The following FSTL4 variants were observed in gnomAD, a reference collection of about 807,000 sequenced individuals.
The protein encoded by FSTL4 is follistatin-related protein 4.
In FSTL4, 28 loss-of-function variants were observed where a neutral mutation model predicts 78.2. The observed-to-expected ratio is 0.36, with a 90% confidence interval of 0.27 to 0.49. The LOEUF (loss-of-function observed/expected upper bound fraction) is 0.49, where lower values mean the gene tolerates loss of function less well. FSTL4 is among the 20% of genes least tolerant of loss of function. The pLI is 0.98. For synonymous variants in FSTL4, 422 were observed against 440.5 expected, an observed-to-expected ratio of 0.96 and a Z score of 0.53; for missense variants, 922 against 1,084.9, an observed-to-expected ratio of 0.85 and a Z score of 2.11.
intron 4 of FSTL4, among the ~76,000 whole-genome samples, chr5:133,342,693 T>C (rs552903407): frequency 6.6e-6 from 1 of 152,200 alleles, no homozygotes; most frequent in Non-Finnish European, 1.5e-5. Context: ...TAAAAGCAAA[T>C]TAACATTGTA....
chr5:133,349,756 G>T (rs1209403478), intron 4 of FSTL4, among the ~76,000 whole-genome samples: 2 of 142,568 alleles, frequency 1.4e-5, no homozygotes, highest in African/African-American at 2.7e-5. Context: ...GGACCCAAAG[G>T]ATGGACTTTG....
chr5:133,606,274 C>A (rs1258018667), intron 1 of FSTL4, among the ~76,000 whole-genome samples: 1 of 152,154 alleles, frequency 6.6e-6, no homozygotes, highest in Non-Finnish European at 1.5e-5. Flanking sequence ...GCATGCGCCA[C>A]CATGCCCAGC....
At chr5:133,420,206 T>A (rs1580696912) in intron 3 of FSTL4, among the ~76,000 whole-genome samples, 1 of 152,296 alleles carries the variant, frequency 6.6e-6, no homozygotes, top group East Asian at 1.9e-4. Flanking sequence ...TAGCTAAAAC[T>A]AATCTACGAT....
chr5:133,771,306 G>A, the FSTL4 span, among the ~76,000 whole-genome samples: 1 of 151,934 alleles, frequency 6.6e-6, no homozygotes, highest in Non-Finnish European at 1.5e-5. Flanking sequence ...GGATTGCTTT[G>A]GGCAGTATGG....
Position 133,494,135 on chromosome 5 carries a change from C to T in FSTL4, c.160+73051G>A, listed in dbSNP as rs568138561. On this transcript the variant is annotated intron_variant, in intron 3 of 15. Coordinates refer to ENST00000265342, the MANE Select transcript of FSTL4 (RefSeq NM_015082.2). ...GAGGTAGGTATTATTATCCATTTTA[C>T]AGTTATGGATACTGAGGAACAGAGA... 5.3e-5 allele frequency among the ~76,000 whole-genome samples: 8 copies of T among 152,308 alleles called. No homozygotes were observed. The South Asian group carries it at 1.7e-3, about 32-fold the overall frequency.
chr5:133,369,086 C>T (rs1245681538), intron 4 of FSTL4, among the ~76,000 whole-genome samples: 4 of 152,166 alleles, frequency 2.6e-5, no homozygotes, highest in Non-Finnish European at 5.9e-5. Flanking sequence ...CCAAGGCTGG[C>T]TTGGTCTCCA....
chr5:133,561,083 G>A (rs552199979), intron 3 of FSTL4, among the ~76,000 whole-genome samples: 5 of 139,352 alleles, frequency 3.6e-5, no homozygotes, highest in East Asian at 4.1e-4. Flanking sequence ...AGTGACACTC[G>A]GACTCAAAAT....
At chr5:133,405,446 G>C (rs1455736659) in intron 3 of FSTL4, among the ~76,000 whole-genome samples, 1 of 152,216 alleles carries the variant, frequency 6.6e-6, no homozygotes, top group African/African-American at 2.4e-5. Flanking sequence ...CCCATGGGCA[G>C]ATACAGCCCT....
the FSTL4 span, among the ~76,000 whole-genome samples, chr5:133,678,036 C>T: frequency 4.6e-4 from 70 of 152,230 alleles, 1 homozygote; most frequent in East Asian, 0.01. Context: ...TGCATTATAC[C>T]TCACAGAATT....
At chr5:133,652,528 G>A in the FSTL4 span, among the ~76,000 whole-genome samples, 1 of 151,794 alleles carries the variant, frequency 6.6e-6, no homozygotes, top group Admixed American at 6.6e-5. Flanking sequence ...TTAGAAATGT[G>A]TTGCTTAATT....
intron 6 of FSTL4, among the ~76,000 whole-genome samples, chr5:133,275,043 CTTGAGGTTAGGAGT>C (rs1263344606): frequency 6.8e-6 from 1 of 146,508 alleles, no homozygotes; most frequent in Non-Finnish European, 1.5e-5. Flanking sequence ...GGGTGGATCA[CTTGAGGTTAGGAGT>C]TTGAGACCAG....
At chr5:133,606,842 T>C (rs1416352891) in intron 1 of FSTL4, among the ~76,000 whole-genome samples, 1 of 152,254 alleles carries the variant, frequency 6.6e-6, no homozygotes, top group Non-Finnish European at 1.5e-5. Context: ...TTATGTTTTA[T>C]GTTTTGGTAC....
rs1201182266 is a variant in FSTL4, at chr5:133,197,303, G to T, written c.*1792C>A. ...ATTGAGGCAGGAAAAAAAAAGGGGTGAGATGGGTCATCCATGCATCCCAGC... is the reference window on the plus strand; with the variant it reads ...ATTGAGGCAGGAAAAAAAAAGGGGTTAGATGGGTCATCCATGCATCCCAGC... On this transcript the variant is annotated 3_prime_UTR_variant, in exon 16 of 16. Coordinates refer to ENST00000265342, the MANE Select transcript of FSTL4 (RefSeq NM_015082.2). The T allele has an allele frequency of 6.6e-6, 1 of 152,174 alleles. No homozygotes were observed. Among genetic ancestry groups the T allele is most frequent in the African/African-American group, 2.4e-5 (1 of 41,428 alleles). The allele number at this position is 152,174 out of a possible 1,614,324, so 9.4% of individuals were successfully genotyped here.
intron 6 of FSTL4, among the ~76,000 whole-genome samples, chr5:133,281,399 C>G (rs1561655421): frequency 6.6e-6 from 1 of 152,164 alleles, no homozygotes; most frequent in Non-Finnish European, 1.5e-5. Flanking sequence ...GAGCACCCTG[C>G]CTCGCACTCT....
rs544075954 is a variant in FSTL4 at position 133,609,590 on chromosome 5, T to C, written c.-11+2735A>G. ...CCCAGGGAAATTAGGCATGGAGATA[T>C]AGCAAGCTAACGTTGCAGCAAGCCC... On this transcript the variant is annotated intron_variant, in intron 1 of 15. Coordinates refer to ENST00000265342, the MANE Select transcript of FSTL4 (RefSeq NM_015082.2). 8.7e-4 allele frequency among the ~76,000 whole-genome samples: 133 copies of C among 152,358 alleles called. 1 individual carries two copies. Among genetic ancestry groups the C allele is most frequent in the African/African-American group, 3.0e-3 (123 of 41,586 alleles).
intron 6 of FSTL4, among the ~76,000 whole-genome samples, chr5:133,278,395 A>G (rs1581588357): frequency 6.6e-6 from 1 of 152,306 alleles, no homozygotes; most frequent in Admixed American, 6.5e-5. Context: ...CTTGTCCTCC[A>G]GCCACATGGA....
At chr5:133,317,355 T>C (rs1753933862) in intron 4 of FSTL4, among the ~76,000 whole-genome samples, 1 of 152,158 alleles carries the variant, frequency 6.6e-6, no homozygotes, top group Admixed American at 6.5e-5. Context: ...GGTGACGGGC[T>C]TCTAGGATGG....
chr5:133,757,776 T>A, the FSTL4 span, among the ~76,000 whole-genome samples: 1 of 152,202 alleles, frequency 6.6e-6, no homozygotes, highest in African/African-American at 2.4e-5. Flanking sequence ...ATCATTTGCA[T>A]GATTTCCACA....
At chr5:133,345,478 T>A (rs183580828) in intron 4 of FSTL4, among the ~76,000 whole-genome samples, 159 of 152,368 alleles carry the variant, frequency 1.0e-3, no homozygotes, top group African/African-American at 3.6e-3. Context: ...TTTGGTGTTT[T>A]AGTCATGAAG....
Sources: gnomAD v4.1 joint callset for allele counts (sites outside exome capture counted in the v4.1 genomes callset) on GRCh38, gnomAD v4.1.1 for gene constraint, MANE v1.5 for transcripts, NCBI Gene and HGNC (gene_info 2026-07-23, HGNC 2026-07-21) for gene names.